Variants in DUOXA2 observed in about 807,000 individuals in gnomAD.
The protein encoded by DUOXA2 is dual oxidase maturation factor 2.
DUOXA2 carries 22 observed loss-of-function variants against 27.6 expected under a neutral mutation model. The observed-to-expected ratio is 0.80, with a 90% CI of 0.57 to 1.14. The LOEUF (loss-of-function observed/expected upper bound fraction) is 1.14. DUOXA2 is among the 50% of genes most tolerant of loss of function. The probability of loss-of-function intolerance (pLI) is 0.00; values close to 1 mark genes in which losing one functional copy is unlikely to be tolerated. For synonymous variants in DUOXA2, 188 were observed against 184.4 expected, an observed-to-expected ratio of 1.02 and a Z score of -0.16; for missense variants, 481 against 419.9, an observed-to-expected ratio of 1.15 and a Z score of -1.27.
At position 45,116,196 on chromosome 15, in the gene DUOXA2, C is replaced by G; in HGVS notation, c.278C>G (p.Ala93Gly). ...TNTSYKAFSA[A>G]RVTARVRLLV... ...ACATCCTACAAAGCCTTCAGCGCAG[C>G]GCGCGTTACAGCCCGTGTCCGTCTG... Residue 93 changes from alanine to glycine, a missense_variant, in exon 3 of 6, where the codon GCG (alanine) becomes GGG (glycine). Transcript: ENST00000323030. The G allele has an allele frequency of 1.2e-6, 2 of 1,614,122 alleles. No individual in the cohort carries two copies. The highest frequency in any genetic ancestry group is 1.1e-5 in the South Asian group (1 of 91,088).
chr15:45,116,507 A>G lies in DUOXA2; in HGVS notation c.341-9A>G. 1 of 1,613,532 alleles carries G rather than the reference A, an allele frequency of 6.2e-7. No individual in the cohort carries two copies. Among genetic ancestry groups the G allele is most frequent in the Non-Finnish European group, 8.5e-7 (1 of 1,179,980 alleles). The stretch of plus-strand genomic sequence containing the variant: ...GCGGGCAGCCCCATGAGCCCGCCTC[A>G]CCCCACAGGGACCCCAGTGCATCAG... On this transcript the variant is annotated splice_polypyrimidine_tract_variant and intron_variant, in intron 3 of 5. Transcript: ENST00000323030.
Position 45,117,177 on chromosome 15 carries a change from G to T in DUOXA2, c.641G>T (p.Gly214Val), listed in dbSNP as rs750112328. Residue 214 changes from glycine to valine, a missense_variant, in exon 5 of 6, where the codon GGA (glycine) becomes GTA (valine). Transcript: ENST00000323030. ...GGAGGCCTGGCACTGCTGACCACCG[G>T]AGCCTTCGCGCTCTTCGGGGTCTTC... ...LYGGLALLTTGAFALFGVFAL... is the reference protein window; with the variant it reads ...LYGGLALLTTVAFALFGVFAL... 1 of 1,605,914 alleles carries T rather than the reference G, an allele frequency of 6.2e-7. No individual in the cohort carries two copies. The highest frequency in any genetic ancestry group is 1.1e-5 in the South Asian group (1 of 90,908).
chr15:45,117,257 G>C lies in DUOXA2; in HGVS notation c.721G>C (p.Ala241Pro), dbSNP rs756629106. ...CTGCCCGCTCCGCCTAGGCTCCTCC[G>C]CGCTCACCACTCAGTACGGCGCCGC... ...PLCPLRLGSS[A>P]LTTQYGAAFW... is the part of the protein sequence containing the mutation. The change falls in exon 5 of 6, where the codon GCG becomes CCG. Residue 241 changes from alanine (A) to proline (P), a missense_variant. Ala to Pro is a conservative substitution (Grantham distance 27). Transcript: ENST00000323030. 2 of 1,609,726 alleles carry C rather than the reference G, an allele frequency of 1.2e-6. No homozygotes were observed. Among genetic ancestry groups the C allele is most frequent in the South Asian group, 2.2e-5 (2 of 90,788 alleles).
At position 45,114,748 on chromosome 15, in the gene DUOXA2, A is replaced by G. The variant is rs1330214756; in HGVS notation, c.143A>G (p.His48Arg). ...CTCATCTTGCCGGGGATCCGTGGCC[A>G]CTCGGTAAGGGTGTCCTCATAGTGC... ...FLLILPGIRG[H>R]SRWFWLVRVL... The change falls in exon 1 of 6, where the codon CAC (histidine) becomes CGC (arginine). Residue 48 changes from histidine to arginine, a missense_variant. Transcript: ENST00000323030. 6.2e-7 allele frequency: 1 copy of G among 1,613,958 alleles called. No homozygotes were observed. The highest frequency in any genetic ancestry group is 8.5e-7 in the Non-Finnish European group (1 of 1,180,024).
Position 45,117,711 on chromosome 15 carries a change from C to G in DUOXA2, c.770-5C>G, listed in dbSNP as rs1365874142. On this transcript the variant is annotated splice_polypyrimidine_tract_variant and splice_region_variant and intron_variant, in intron 5 of 5. Coordinates refer to ENST00000323030, the MANE Select transcript of DUOXA2 (RefSeq NM_207581.4). ...CCTCCTTTCTTTCGATCCCCACCGC[C>G]ACAGGCGTCCTGTGCCTCTTCCTCG... 6.2e-7 allele frequency: 1 copy of G among 1,613,542 alleles called. No individual in the cohort carries two copies. The highest frequency in any genetic ancestry group is 1.1e-5 in the South Asian group (1 of 91,064).
rs917248827 is a variant in DUOXA2 at position 45,115,488 on chromosome 15, A to G, written c.148-311A>G. 5.3e-6 allele frequency: 3 copies of G among 571,024 alleles called. No individual in the cohort carries two copies. The Admixed American group carries it at 6.6e-5, about 12-fold the overall frequency. 35.4% of individuals were successfully genotyped at this position (571,024 alleles called of 1,614,324 possible). ...CTGAGCCTCACCAAGCAGTGACTGG[A>G]CCAGGAGGCAGAACCAGGACCAGGC... On this transcript the variant is annotated intron_variant, in intron 1 of 5. Coordinates refer to ENST00000323030, the MANE Select transcript of DUOXA2 (RefSeq NM_207581.4).
Position 45,117,927 on chromosome 15 carries a change from C to T in DUOXA2, c.*18C>T, listed in dbSNP as rs554163556. On this transcript the variant is annotated 3_prime_UTR_variant, in exon 6 of 6. Coordinates refer to ENST00000323030, the MANE Select transcript of DUOXA2 (RefSeq NM_207581.4). ...ACCTGTGAGGGGGACCCAATCTGGA[C>T]TCCTTCCCCGCCTTGGGACATCGCA... 23 of 1,613,116 alleles carry T rather than the reference C, an allele frequency of 1.4e-5. No homozygotes were observed. The highest frequency in any genetic ancestry group is 1.9e-5 in the Non-Finnish European group (22 of 1,180,018).
Position 45,116,264 on chromosome 15 carries a change from G to A in DUOXA2, c.340+6G>A, listed in dbSNP as rs1252855248. On this transcript the variant is annotated splice_donor_region_variant and intron_variant, in intron 3 of 5. Transcript: ENST00000323030. ...CATTAATATTACACTCACAGGTGAG[G>A]GGGCTGGGGCTAAATGAACTCCTGG... 1 of 1,613,694 alleles carries A rather than the reference G, an allele frequency of 6.2e-7. No individual in the cohort carries two copies. The highest frequency in any genetic ancestry group is 2.2e-5 in the East Asian group (1 of 44,868).
At chr15:45,115,735 A>G (rs1252503921) in intron 1 of DUOXA2, 64 bp from the exon 2 acceptor site, 5 of 1,597,350 alleles carry the variant, frequency 3.1e-6, no homozygotes, top group Non-Finnish European at 4.3e-6. Flanking sequence ...AGTGGGGTCA[A>G]GGGTGGTCTT....
chr15:45,114,699 T>A lies in DUOXA2; in HGVS notation c.94T>A (p.Leu32Met). The change falls in exon 1 of 6, where the codon TTG becomes ATG. Residue 32 changes from leucine (L) to methionine (M), a missense_variant. Physicochemically the swap from Leu to Met is conservative, Grantham distance 15. Coordinates refer to ENST00000323030, the MANE Select transcript of DUOXA2 (RefSeq NM_207581.4). ...ACTGCTCATCGTTATTCTAGTGTTTTTGGCTCTAGCAGCAAGCTTCCTGCT... is the reference window on the plus strand; with the variant it reads ...ACTGCTCATCGTTATTCTAGTGTTTATGGCTCTAGCAGCAAGCTTCCTGCT... ...VPLLIVILVFLALAASFLLIL... is the reference protein window; with the variant it reads ...VPLLIVILVFMALAASFLLIL... 1 of 1,614,230 alleles carries A rather than the reference T, an allele frequency of 6.2e-7. No individual in the cohort carries two copies. Among genetic ancestry groups the A allele is most frequent in the Non-Finnish European group, 8.5e-7 (1 of 1,180,034 alleles).
chr15:45,115,392 C>T (rs1894578681), intron 1 of DUOXA2: 1 of 473,856 alleles, frequency 2.1e-6, no homozygotes. Context: ...ACCTCCTCCC[C>T]TCGGAGATCA....
rs1427632988 is a variant in DUOXA2 at position 45,118,102 on chromosome 15, A to T, written c.*193A>T. 6.7e-7 allele frequency: 1 copy of T among 1,498,286 alleles called. No individual in the cohort carries two copies. Among genetic ancestry groups the T allele is most frequent in the East Asian group, 2.3e-5 (1 of 43,198 alleles). The allele number at this position is 1,498,286 out of a possible 1,614,324, so 92.8% of individuals were successfully genotyped here. On this transcript the variant is annotated 3_prime_UTR_variant, in exon 6 of 6. Transcript: ENST00000323030. Reference sequence around the variant, plus strand: ...TAAACCTTTTTTTCTTTTGTTTTTTAAAAACTGTTTTTCCCATTAATTTTC... The same window carrying T: ...TAAACCTTTTTTTCTTTTGTTTTTTTAAAACTGTTTTTCCCATTAATTTTC...
In DUOXA2 at chr15:45,116,110, G is replaced by A. The variant is rs1894617951; in HGVS notation, c.206-14G>A. 2 of 1,600,972 alleles carry A rather than the reference G, an allele frequency of 1.2e-6. No individual in the cohort carries two copies. Among genetic ancestry groups the A allele is most frequent in the Non-Finnish European group, 1.7e-6 (2 of 1,169,032 alleles). On this transcript the variant is annotated splice_polypyrimidine_tract_variant and intron_variant, in intron 2 of 5. Transcript: ENST00000323030. ...CACCCTCATCCCACCCCCACCGTGTGCCTTTCCCTACAGCTGTGCACTTCA... is the reference window on the plus strand; with the variant it reads ...CACCCTCATCCCACCCCCACCGTGTACCTTTCCCTACAGCTGTGCACTTCA...
At position 45,118,388 on chromosome 15, in the gene DUOXA2, G is replaced by T. The variant is rs1894832535; in HGVS notation, c.*479G>T. 32 of 1,082,368 alleles carry T rather than the reference G, an allele frequency of 3.0e-5. No individual in the cohort carries two copies. In the South Asian group the frequency reaches 5.3e-4, roughly 18 times the overall value. 67.0% of individuals were successfully genotyped at this position (1,082,368 alleles called of 1,614,324 possible). ...CCACTCAGCTAGCCCAGCTGAGTGG[G>T]GTGGGAAGGAATAGCGTTTTGGAGT... On this transcript the variant is annotated 3_prime_UTR_variant, in exon 6 of 6. Transcript: ENST00000323030.
chr15:45,116,080 T>A, intron 2 of DUOXA2, 44 bp from the exon 3 acceptor site: 1 of 1,613,044 alleles, frequency 6.2e-7, no homozygotes, highest in Non-Finnish European at 8.5e-7. Context: ...CTAATTCCAT[T>A]TTCCCACCCT....
rs1305036528 is a variant in DUOXA2, at chr15:45,114,473, C to A, written c.-133C>A. ...TTCCTTAACGGAGAGGTGCAGGACT[C>A]AGACTTCACCAGCCCACTCGGTCCC... is the stretch of plus-strand genomic sequence containing the variant. On this transcript the variant is annotated 5_prime_UTR_variant, in exon 1 of 6. Coordinates refer to ENST00000323030, the MANE Select transcript of DUOXA2 (RefSeq NM_207581.4). 1 of 1,265,658 alleles carries A rather than the reference C, an allele frequency of 7.9e-7. No individual in the cohort carries two copies. The highest frequency in any genetic ancestry group is 2.5e-5 in the East Asian group (1 of 39,616). The allele number at this position is 1,265,658 out of a possible 1,614,324, so 78.4% of individuals were successfully genotyped here. A position where few individuals can be genotyped will look rare whatever the true frequency, so the allele number is the denominator to read the frequency against.
Position 45,116,557 on chromosome 15 carries a change from G to T in DUOXA2, c.382G>T (p.Glu128Ter), listed in dbSNP as rs759965555. Residue 128 changes from glutamate to a stop codon, truncating the protein, a stop_gained, in exon 4 of 6, where the codon GAG (glutamate) becomes TAG (stop). Transcript: ENST00000323030. LOFTEE classifies it high-confidence loss of function. Reference sequence around the variant, plus strand: ...GCTGAACGAGACCATTGACTACAACGAGCAGTTCACCTGGCGTCTGAAAGA... The same window carrying T: ...GCTGAACGAGACCATTGACTACAACTAGCAGTTCACCTGGCGTCTGAAAGA... Reference protein sequence around the residue: ...HQLNETIDYNEQFTWRLKENY... With the variant: ...HQLNETIDYN 8.1e-6 allele frequency: 13 copies of T among 1,613,998 alleles called. 1 individual carries two copies. In the South Asian group the frequency reaches 1.4e-4, roughly 18 times the overall value.
In DUOXA2 at chr15:45,118,147, GTCGCACGTCCTCAT is replaced by G; in HGVS notation, c.*239_*252del. ...ATTTTCATGGCTTCTCCGCGCCGGG[GTCGCACGTCCTCAT>G]GAGCTTCGCTGGGCTGGAGACAGCC... is the stretch of plus-strand genomic sequence containing the variant. On this transcript the variant is annotated 3_prime_UTR_variant, in exon 6 of 6. Transcript: ENST00000323030. 1 of 1,438,940 alleles carries G rather than the reference GTCGCACGTCCTCAT, an allele frequency of 6.9e-7. No individual in the cohort carries two copies. The highest frequency in any genetic ancestry group is 9.1e-7 in the Non-Finnish European group (1 of 1,101,434). The allele number at this position is 1,438,940 out of a possible 1,614,324, so 89.1% of individuals were successfully genotyped here. A position where few individuals can be genotyped will look rare whatever the true frequency, so the allele number is the denominator to read the frequency against.
intron 3 of DUOXA2, 22 bp downstream of exon 3, chr15:45,116,280 G>T: frequency 3.7e-6 from 6 of 1,612,810 alleles, no homozygotes; most frequent in Non-Finnish European, 5.1e-6. Context: ...GGGGCTAAAT[G>T]AACTCCTGGA....
Sources: gnomAD v4.1 joint callset for allele counts on GRCh38, gnomAD v4.1.1 for gene constraint, MANE v1.5 for transcripts, NCBI Gene and HGNC (gene_info 2026-07-23, HGNC 2026-07-21) for gene names.